Variants in GOLGA3 observed in about 807,000 individuals in gnomAD.
GOLGA3 encodes golgin A3.
A neutral mutation model predicts 169.4 loss-of-function variants in GOLGA3; 75 were observed. That is an observed-to-expected ratio of 0.44 (90% CI 0.37 to 0.54). The LOEUF is 0.54. Ranked by LOEUF, GOLGA3 falls within the 20% of genes least tolerant of loss-of-function variation. The pLI, the probability that GOLGA3 is intolerant of heterozygous loss-of-function variation, is 0.00. For synonymous variants in GOLGA3, 824 were observed against 822.4 expected (o/e 1.00, Z -0.03); for missense variants, 1,899 against 1,930.0 (o/e 0.98, Z 0.30).
At chr12:132,798,580 C>T (rs767914910) in intron 8 of GOLGA3, 103 bp from the exon 9 acceptor site, 1 of 1,006,500 alleles carries the variant, frequency 9.9e-7, no homozygotes, top group Non-Finnish European at 1.5e-6. Context: ...CTGGCTGCCC[C>T]CTCAGTGTCT....
At chr12:132,773,795 T>C (rs1593215290) in intron 23 of GOLGA3, among the ~76,000 whole-genome samples, 1 of 106,318 alleles carries the variant, frequency 9.4e-6, no homozygotes. Context: ...GCTGTGTGAG[T>C]CCCCCTCCCC....
chr12:132,804,658 A>G lies in GOLGA3; in HGVS notation c.1597+58T>C. 7.1e-7 allele frequency: 1 copy of G among 1,405,204 alleles called. No homozygotes were observed. The highest frequency in any genetic ancestry group is 1.3e-5 in the South Asian group (1 of 79,862). 87.0% of individuals were successfully genotyped at this position (1,405,204 alleles called of 1,614,324 possible). On this transcript the variant is annotated intron_variant, in intron 7 of 23. Transcript: ENST00000450791. This position sits in a 1 kb window ranked among gnomAD's most constrained non-coding sequence, Gnocchi z 4.1. ...CGTGGCGGGGGCCAGTCGAGGAAGG[A>G]GGAGGGAGCAGCAGGGACCAGTCAG...
At chr12:132,825,323 G>A (rs1290812534) in intron 1 of GOLGA3, among the ~76,000 whole-genome samples, 2 of 152,086 alleles carry the variant, frequency 1.3e-5, no homozygotes, top group Non-Finnish European at 2.9e-5. Context: ...TGTACCTCAC[G>A]TGGCCTCCAC....
Position 132,813,419 on chromosome 12 carries a change from C to G in GOLGA3, c.407G>C (p.Cys136Ser). ...LSLPMQETQL[C>S]STDSPLPLEK... ...CAGGGGCAGGGGAGAATCTGTAGAG[C>G]CTGCAGTGGGAAAAGGGCAATTTGG... is the stretch of plus-strand genomic sequence containing the variant. Residue 136 changes from cysteine (C) to serine (S), a missense_variant and splice_region_variant, in exon 4 of 24, where the codon TGC becomes TCC. Transcript: ENST00000450791. 1 of 1,575,186 alleles carries G rather than the reference C, an allele frequency of 6.3e-7. No homozygotes were observed. The highest frequency in any genetic ancestry group is 1.1e-5 in the South Asian group (1 of 87,966).
rs1451668921 is a variant in GOLGA3, at chr12:132,770,051, T to C, written c.*3054A>G. 1 of 151,978 alleles carries C rather than the reference T, an allele frequency of 6.6e-6. No homozygotes were observed. The highest frequency in any genetic ancestry group is 6.6e-5 in the Admixed American group (1 of 15,256). The allele number at this position is 151,978 out of a possible 1,614,324, so 9.4% of individuals were successfully genotyped here. On this transcript the variant is annotated 3_prime_UTR_variant, in exon 24 of 24. Transcript: ENST00000450791. ...GAGTTCAAGACCAGCCTGGCCAACA[T>C]GGTGGAACTCCACCCCTCTAAAAAT... is the stretch of plus-strand genomic sequence containing the variant.
At position 132,773,104 on chromosome 12, in the gene GOLGA3, G is replaced by C; in HGVS notation, c.*1C>G. 1 of 1,570,576 alleles carries C rather than the reference G, an allele frequency of 6.4e-7. No homozygotes were observed. The highest frequency in any genetic ancestry group is 1.8e-5 in the Admixed American group (1 of 54,322). On this transcript the variant is annotated 3_prime_UTR_variant, in exon 24 of 24. Coordinates refer to ENST00000450791, the MANE Select transcript of GOLGA3 (RefSeq NM_001389683.1). The stretch of plus-strand genomic sequence containing the variant: ...GGCGCACGGAGGCGAGTCCACAGCA[G>C]TCACTCTCCCGGCCCTTCTTTGGAA...
rs10781652 is a variant in GOLGA3, at chr12:132,804,403, T to C, written c.1597+313A>G. 0.24 allele frequency among the ~76,000 whole-genome samples: 37,182 copies of C among 152,140 alleles called. 4,643 individuals carry two copies. Among genetic ancestry groups the C allele is most frequent in the African/African-American group, 0.27 (11,249 of 41,488 alleles). Reference sequence around the variant, plus strand: ...ACAATTCCACAAGTTCAACTAAAACTTGTATTTCCTTTAGAAAAGCAGCCT... The same window carrying C: ...ACAATTCCACAAGTTCAACTAAAACCTGTATTTCCTTTAGAAAAGCAGCCT... On this transcript the variant is annotated intron_variant, in intron 7 of 23. Transcript: ENST00000450791. This position sits in a 1 kb window ranked among gnomAD's most constrained non-coding sequence, Gnocchi z 4.1.
rs545013488 is a variant in GOLGA3 at position 132,777,683 on chromosome 12, G to C, written c.3705C>G (p.Ala1235=). The change falls in exon 19 of 24, where the codon GCC becomes GCG. Residue 1235 remains alanine, a synonymous_variant. Transcript: ENST00000450791. This position sits in a 1 kb window ranked among gnomAD's most constrained non-coding sequence, Gnocchi z 4.7. ...GCACTCACTGAAGGTCGTCGGCCTCGGCCTGCAGCTTCTGCACCAGGTGTT... is the reference window on the plus strand; with the variant it reads ...GCACTCACTGAAGGTCGTCGGCCTCCGCCTGCAGCTTCTGCACCAGGTGTT... The part of the protein sequence containing the change: ...AKEHLVQKLQ[A]EADDLQIREG... The C allele has an allele frequency of 8.9e-5, 143 of 1,613,948 alleles. No homozygotes were observed. The highest frequency in any genetic ancestry group is 1.2e-4 in the Non-Finnish European group (140 of 1,180,020).
chr12:132,822,037 G>T lies in GOLGA3; in HGVS notation c.92C>A (p.Pro31Gln), dbSNP rs200481057. The change falls in exon 2 of 24, where the codon CCG (proline) becomes CAG (glutamine). Residue 31 changes from proline to glutamine, a missense_variant. Physicochemically the swap from Pro to Gln is moderately conservative, Grantham distance 76. Transcript: ENST00000450791. The part of the protein sequence containing the change: ...SSLPEAPLKP[P>Q]GPLVPPDQQD... Reference sequence around the variant, plus strand: ...CTGGTCAGGTGGCACCAGTGGGCCCGGGGGCTTCAGTGGGGCCTCGGGGAG... The same window carrying T: ...CTGGTCAGGTGGCACCAGTGGGCCCTGGGGCTTCAGTGGGGCCTCGGGGAG... 3.7e-6 allele frequency: 6 copies of T among 1,606,350 alleles called. No homozygotes were observed. In the East Asian group the frequency reaches 1.1e-4, roughly 30 times the overall value.
intron 6 of GOLGA3, 115 bp from the exon 7 acceptor site, chr12:132,805,137 C>A (rs1428463539): frequency 8.5e-7 from 1 of 1,173,338 alleles, no homozygotes; most frequent in Non-Finnish European, 1.2e-6. Flanking sequence ...ACCCCGAGAC[C>A]CCCAGGCGCT....
At chr12:132,813,469 G>A (rs764783442) in intron 3 of GOLGA3, 50 bp from the exon 4 acceptor site, 7 of 992,974 alleles carry the variant, frequency 7.0e-6, no homozygotes, top group African/African-American at 1.6e-5. Context: ...CCAGGATGCA[G>A]AACAATCAGG....
intron 9 of GOLGA3, among the ~76,000 whole-genome samples, chr12:132,797,226 C>T (rs573391604): frequency 5.9e-5 from 9 of 152,312 alleles, no homozygotes; most frequent in Admixed American, 3.9e-4. Flanking sequence ...GCTAATGCCA[C>T]AGAGAGGTGG....
At chr12:132,788,961 C>CGCCCCAGACACAGGCCCCA in intron 13 of GOLGA3, 66 bp downstream of exon 13, 1 of 1,462,270 alleles carries the variant, frequency 6.8e-7, no homozygotes, top group South Asian at 1.3e-5. Context: ...ACACAGGCCC[C>CGCCCCAGACACAGGCCCCA]ACCCTCCCGA....
chr12:132,816,871 T>C, intron 2 of GOLGA3, 59 bp from the exon 3 acceptor site: 1 of 1,439,726 alleles, frequency 6.9e-7, no homozygotes, highest in South Asian at 1.3e-5. Context: ...ACGTCGCTTT[T>C]CAGACATGCA....
chr12:132,822,648 C>T lies in GOLGA3; in HGVS notation c.-183-337G>A, dbSNP rs141137799. On this transcript the variant is annotated intron_variant, in intron 1 of 23. Transcript: ENST00000450791. Reference sequence around the variant, plus strand: ...ATTTAAAATTAATTTGGGCCAGGCGCGGTGGCTCACCCCTGTAATCCCAGC... The same window carrying T: ...ATTTAAAATTAATTTGGGCCAGGCGTGGTGGCTCACCCCTGTAATCCCAGC... Among the ~76,000 whole-genome samples, 136 of 152,266 alleles carry T rather than the reference C, an allele frequency of 8.9e-4. 5 individuals are homozygous for T. The East Asian group carries it at 0.025, about 28-fold the overall frequency.
At chr12:132,825,183 C>A (rs1299017280) in intron 1 of GOLGA3, among the ~76,000 whole-genome samples, 2 of 152,100 alleles carry the variant, frequency 1.3e-5, no homozygotes, top group African/African-American at 4.8e-5. Flanking sequence ...TTATATGGAA[C>A]CGACCGTGTG....
intron 4 of GOLGA3, among the ~76,000 whole-genome samples, chr12:132,810,417 T>C (rs577604654): frequency 7.9e-4 from 121 of 152,268 alleles, no homozygotes; most frequent in African/African-American, 2.7e-3. Flanking sequence ...TATAATAAAG[T>C]ATATAAAATA....
rs1334005115 is a variant in GOLGA3, at chr12:132,816,615, T to TA, written c.330dup (p.Ser111Ter). 6.2e-7 allele frequency: 1 copy of TA among 1,614,050 alleles called. No homozygotes were observed. Among genetic ancestry groups the TA allele is most frequent in the East Asian group, 2.2e-5 (1 of 44,884 alleles). On this transcript the variant is annotated frameshift_variant, in exon 3 of 24. Transcript: ENST00000450791. LOFTEE classifies it high-confidence loss of function. Reference sequence around the variant, plus strand: ...TCTTTTCTAACACTGCCCTCAGCACTAGTTCCCTGAGACTTCCTTAGGTTG... The same window carrying TA: ...TCTTTTCTAACACTGCCCTCAGCACTAAGTTCCCTGAGACTTCCTTAGGTTG...
chr12:132,796,637 C>T lies in GOLGA3; in HGVS notation c.2002G>A (p.Glu668Lys). ...QIQEAKTMVE[E>K]DLQRRLEEFE... The stretch of plus-strand genomic sequence containing the variant: ...TCTTCCAGCCTCCTCTGAAGGTCCT[C>T]CTCCACCATCGTCTTTGCCTCCTGA... Residue 668 changes from glutamate (E) to lysine (K), a missense_variant, in exon 10 of 24, where the codon GAG becomes AAG. Coordinates refer to ENST00000450791, the MANE Select transcript of GOLGA3 (RefSeq NM_001389683.1). The T allele has an allele frequency of 6.2e-7, 1 of 1,614,156 alleles. No individual in the cohort carries two copies. The highest frequency in any genetic ancestry group is 8.5e-7 in the Non-Finnish European group (1 of 1,179,988).
Sources: gnomAD v4.1 joint callset for allele counts (sites outside exome capture counted in the v4.1 genomes callset) on GRCh38, gnomAD v4.1.1 for gene constraint, Gnocchi (gnomAD v3.1) non-coding constraint, MANE v1.5 for transcripts, NCBI Gene and HGNC (gene_info 2026-07-23, HGNC 2026-07-21) for gene names.